ITPR2: variants seen among roughly 807,000 people sequenced by gnomAD.
The protein encoded by ITPR2 is inositol 1,4,5-trisphosphate receptor type 2.
In ITPR2, 207 loss-of-function variants were observed where a neutral mutation model predicts 317.1. That is an observed-to-expected ratio of 0.65 (90% CI 0.58 to 0.73). ITPR2 has a LOEUF of 0.73. Ranked by LOEUF, ITPR2 falls within the 30% of genes least tolerant of loss-of-function variation. The pLI, the probability that ITPR2 is intolerant of heterozygous loss-of-function variation, is 0.00. For missense variants in ITPR2, 2,613 were observed against 3,284.0 expected (o/e 0.80, Z 4.99); for synonymous variants, 1,156 against 1,149.1 (o/e 1.01, Z -0.12).
chr12:26,821,838 T>A (rs1257612785), intron 1 of ITPR2, among the ~76,000 whole-genome samples: 1 of 152,230 alleles, frequency 6.6e-6, no homozygotes, highest in Non-Finnish European at 1.5e-5. Flanking sequence ...TAATTAAATG[T>A]GAGCTGCAAC....
At chr12:26,729,342 A>C (rs1396520668) in intron 2 of ITPR2, among the ~76,000 whole-genome samples, 2 of 152,200 alleles carry the variant, frequency 1.3e-5, no homozygotes, top group Non-Finnish European at 2.9e-5. Context: ...AAGAAAAATT[A>C]ACACTTCTAC....
At chr12:26,822,153 A>T (rs1284362895) in intron 1 of ITPR2, among the ~76,000 whole-genome samples, 1 of 152,224 alleles carries the variant, frequency 6.6e-6, no homozygotes, top group East Asian at 1.9e-4. Context: ...CTGTCGAGGA[A>T]ATCTCTGGGA....
chr12:26,475,510 A>C, intron 44 of ITPR2, 92 bp from the exon 45 acceptor site: 1 of 1,363,354 alleles, frequency 7.3e-7, no homozygotes, highest in Non-Finnish European at 1.0e-6. Context: ...CAGCTTCATA[A>C]GCCTCAAAAG....
At position 26,483,715 on chromosome 12, in the gene ITPR2, G is replaced by A. The variant is rs1409810413; in HGVS notation, c.5995C>T (p.Pro1999Ser). 1 of 1,613,848 alleles carries A rather than the reference G, an allele frequency of 6.2e-7. No homozygotes were observed. The highest frequency in any genetic ancestry group is 1.1e-5 in the South Asian group (1 of 91,074). Residue 1999 changes from proline to serine, a missense_variant, in exon 42 of 57, where the codon CCT (proline) becomes TCT (serine). Physicochemically the swap from Pro to Ser is moderately conservative, Grantham distance 74 (BLOSUM62 -1). Transcript: ENST00000381340. Reference protein sequence around the residue: ...LESLTEYCQGPCHENQTCIAT... With the variant: ...LESLTEYCQGSCHENQTCIAT... ...CTGGTTACCTGATTTTCATGGCAAGGGCCCTGGCAATACTCAGTCAAGCTC... is the reference window on the plus strand; with the variant it reads ...CTGGTTACCTGATTTTCATGGCAAGAGCCCTGGCAATACTCAGTCAAGCTC...
chr12:26,765,330 T>C (rs1457235946), intron 2 of ITPR2, among the ~76,000 whole-genome samples: 1 of 152,080 alleles, frequency 6.6e-6, no homozygotes, highest in Non-Finnish European at 1.5e-5. Flanking sequence ...ACAATTTTGT[T>C]ATTTATTGTT....
chr12:26,735,991 A>G (rs189190434), intron 2 of ITPR2, among the ~76,000 whole-genome samples: 90 of 152,276 alleles, frequency 5.9e-4, no homozygotes, highest in Middle Eastern at 6.8e-3. Flanking sequence ...ATTAGATAAC[A>G]TGTTTACATG....
chr12:26,782,873 T>C (rs1361225484), intron 2 of ITPR2, among the ~76,000 whole-genome samples: 2 of 152,224 alleles, frequency 1.3e-5, no homozygotes, highest in East Asian at 1.9e-4. Flanking sequence ...AAATTCAATA[T>C]AGCAATTGTT....
chr12:26,699,433 C>T (rs1028227572), intron 9 of ITPR2, among the ~76,000 whole-genome samples: 1 of 152,096 alleles, frequency 6.6e-6, no homozygotes, highest in Non-Finnish European at 1.5e-5. Flanking sequence ...ACTCAGTGTC[C>T]TCATCTGCAA....
intron 37 of ITPR2, among the ~76,000 whole-genome samples, chr12:26,541,434 C>T (rs1425380376): frequency 1.3e-5 from 2 of 152,088 alleles, no homozygotes; most frequent in African/African-American, 4.8e-5. Context: ...AACATTAGAG[C>T]ACTTATATTA....
rs745566649 is a variant in ITPR2 at position 26,654,016 on chromosome 12, C to T, written c.2700G>A (p.Met900Ile). The change falls in exon 21 of 57, where the codon ATG (methionine) becomes ATA (isoleucine). Residue 900 changes from methionine (M) to isoleucine (I), a missense_variant. By Grantham distance (10) the Met-to-Ile change is conservative. Coordinates refer to ENST00000381340, the MANE Select transcript of ITPR2 (RefSeq NM_002223.4). ...LAILDIVQAP[M>I]SSYFERLSKF... The stretch of plus-strand genomic sequence containing the variant: ...TGCTTAATCTTTCAAAGTATGATGA[C>T]ATGGGGGCCTGTACAATGTCTAAAA... The T allele has an allele frequency of 6.2e-7, 1 of 1,610,672 alleles. No individual in the cohort carries two copies. Among genetic ancestry groups the T allele is most frequent in the South Asian group, 1.1e-5 (1 of 90,770 alleles).
chr12:26,394,037 C>A (rs141967568), intron 54 of ITPR2, among the ~76,000 whole-genome samples: 7 of 152,260 alleles, frequency 4.6e-5, no homozygotes, highest in African/African-American at 1.7e-4. Flanking sequence ...GGATCTGGTT[C>A]TCTTAAAGAA....
At chr12:26,541,034 G>A (rs1251476594) in intron 37 of ITPR2, among the ~76,000 whole-genome samples, 1 of 151,808 alleles carries the variant, frequency 6.6e-6, no homozygotes, top group South Asian at 2.1e-4. Context: ...ACAGCTGGGC[G>A]TGGTGGCTCA....
At chr12:26,688,770 C>T (rs1394432695) in intron 10 of ITPR2, among the ~76,000 whole-genome samples, 1 of 152,046 alleles carries the variant, frequency 6.6e-6, no homozygotes, top group African/African-American at 2.4e-5. Flanking sequence ...TGGCTAAGAC[C>T]CTCCCCCAAG....
rs983222452 is a variant in ITPR2, at chr12:26,423,082, A to T, written c.6946-3869T>A. ...GGTCATGTAAATGGTAGTGTCTCTT[A>T]CTAAATTCATCTCATCATACTTTAA... On this transcript the variant is annotated intron_variant, in intron 49 of 56. Coordinates refer to ENST00000381340, the MANE Select transcript of ITPR2 (RefSeq NM_002223.4). Among the ~76,000 whole-genome samples the T allele has an allele frequency of 9.9e-5, 15 of 152,168 alleles. 1 individual carries two copies. The highest frequency in any genetic ancestry group is 6.6e-4 in the Admixed American group (10 of 15,266).
chr12:26,777,372 T>C (rs1269624870), intron 2 of ITPR2, among the ~76,000 whole-genome samples: 1 of 152,210 alleles, frequency 6.6e-6, no homozygotes, highest in African/African-American at 2.4e-5. Context: ...AAGAGGTCTG[T>C]AACTGCTCTT....
intron 2 of ITPR2, among the ~76,000 whole-genome samples, chr12:26,785,045 A>G (rs1375519526): frequency 6.6e-5 from 2 of 30,118 alleles, no homozygotes; most frequent in Non-Finnish European, 1.7e-4. Context: ...CCGTCTGAGA[A>G]GTGAGGAAAC....
intron 49 of ITPR2, among the ~76,000 whole-genome samples, chr12:26,421,879 G>A (rs1264345259): frequency 6.6e-6 from 1 of 152,058 alleles, no homozygotes; most frequent in Non-Finnish European, 1.5e-5. Flanking sequence ...GAGGTGAACT[G>A]TGTGACAGTG....
intron 21 of ITPR2, among the ~76,000 whole-genome samples, chr12:26,650,044 T>C (rs1175095197): frequency 6.6e-6 from 1 of 151,724 alleles, no homozygotes; most frequent in Non-Finnish European, 1.5e-5. Flanking sequence ...TACATTCTTG[T>C]TAAATAAATT....
At chr12:26,438,587 T>C (rs1473513591) in intron 47 of ITPR2, among the ~76,000 whole-genome samples, 3 of 152,252 alleles carry the variant, frequency 2.0e-5, no homozygotes, top group Non-Finnish European at 4.4e-5. Flanking sequence ...GGAACTGTAC[T>C]AAGCTGATTT....
Sources: gnomAD v4.1 joint callset for allele counts (sites outside exome capture counted in the v4.1 genomes callset) on GRCh38, gnomAD v4.1.1 for gene constraint, MANE v1.5 for transcripts, NCBI Gene and HGNC (gene_info 2026-07-23, HGNC 2026-07-21) for gene names.